ASIC2: variants seen among roughly 807,000 people sequenced by gnomAD.
ASIC2 encodes the protein acid sensing ion channel subunit 2.
ASIC2 carries 25 observed loss-of-function variants against 57.3 expected under a neutral mutation model. The observed-to-expected ratio is 0.44, with a 90% confidence interval of 0.32 to 0.61. The LOEUF is 0.61. Among genes scored for constraint, ASIC2 ranks in the 20% least tolerant of loss-of-function variants. The pLI is 0.06. For missense variants in ASIC2, 641 were observed against 738.1 expected, an observed-to-expected ratio of 0.87 and a Z score of 1.52; for synonymous variants, 319 against 307.5, an observed-to-expected ratio of 1.04 and a Z score of -0.39.
chr17:33,849,533 C>T (rs959244226), intron 1 of ASIC2, among the ~76,000 whole-genome samples: 30 of 152,200 alleles, frequency 2.0e-4, no homozygotes, highest in African/African-American at 6.8e-4. Context: ...TGCTATTTCC[C>T]TCCCAGAGTC....
At chr17:33,510,899 A>G (rs1188968691) in intron 1 of ASIC2, among the ~76,000 whole-genome samples, 1 of 152,192 alleles carries the variant, frequency 6.6e-6, no homozygotes, top group Non-Finnish European at 1.5e-5. Context: ...TCTGAGACAG[A>G]GACCCAGCTC....
chr17:33,718,337 G>A (rs1412568647), intron 1 of ASIC2, among the ~76,000 whole-genome samples: 2 of 152,160 alleles, frequency 1.3e-5, no homozygotes, highest in Non-Finnish European at 2.9e-5. Flanking sequence ...TGGATACAGA[G>A]GCTGACTGGA....
chr17:33,108,534 C>G (rs946344047), intron 2 of ASIC2, among the ~76,000 whole-genome samples: 10 of 152,192 alleles, frequency 6.6e-5, no homozygotes, highest in Non-Finnish European at 1.3e-4. Context: ...CCTCAGGTGG[C>G]TTTACAGACA....
rs187187076 is a variant in ASIC2 at position 33,135,534 on chromosome 17, G to A, written c.709-23467C>T. Among the ~76,000 whole-genome samples the A allele has an allele frequency of 2.7e-3, 404 of 152,356 alleles. 1 individual carries two copies. Among genetic ancestry groups the A allele is most frequent in the African/African-American group, 9.3e-3 (387 of 41,582 alleles). ...GTATCCCACTGCCCTGTGAGGGCAT[G>A]TAGCGAACTCTCAATCAATGTTACT... On this transcript the variant is annotated intron_variant, in intron 1 of 9. Transcript: ENST00000225823.
intron 1 of ASIC2, among the ~76,000 whole-genome samples, chr17:33,896,148 A>G (rs902041392): frequency 3.3e-5 from 5 of 152,212 alleles, no homozygotes; most frequent in Admixed American, 2.0e-4. Flanking sequence ...ATTTATTTAT[A>G]TTTCTTTTCT....
At chr17:33,721,413 G>A (rs949948198) in intron 1 of ASIC2, among the ~76,000 whole-genome samples, 1 of 152,156 alleles carries the variant, frequency 6.6e-6, no homozygotes, top group Non-Finnish European at 1.5e-5. Flanking sequence ...ACTTCTGAGT[G>A]AGATAATTCA....
At chr17:33,731,501 C>A (rs1047293090) in intron 1 of ASIC2, among the ~76,000 whole-genome samples, 1 of 152,192 alleles carries the variant, frequency 6.6e-6, no homozygotes, top group African/African-American at 2.4e-5. Context: ...AAAGAAATCT[C>A]CCTGCTGCCT....
intron 1 of ASIC2, among the ~76,000 whole-genome samples, chr17:33,498,286 C>A (rs571313842): frequency 6.6e-6 from 1 of 152,322 alleles, no homozygotes; most frequent in African/African-American, 2.4e-5. Flanking sequence ...GATTCCGAGG[C>A]AACTCAAGCA....
At chr17:34,138,438 G>A (rs1448856906) in intron 1 of ASIC2, among the ~76,000 whole-genome samples, 3 of 145,198 alleles carry the variant, frequency 2.1e-5, no homozygotes, top group Non-Finnish European at 4.6e-5. Context: ...TGAATTCCCT[G>A]GAGATCCACA....
At chr17:33,411,165 C>T (rs1910646047) in intron 1 of ASIC2, among the ~76,000 whole-genome samples, 1 of 152,196 alleles carries the variant, frequency 6.6e-6, no homozygotes, top group South Asian at 2.1e-4. Flanking sequence ...ACATAGGCTG[C>T]TACTCCAGGC....
At chr17:33,150,845 G>A (rs1172760924) in intron 1 of ASIC2, among the ~76,000 whole-genome samples, 3 of 13,964 alleles carry the variant, frequency 2.1e-4, no homozygotes, top group Middle Eastern at 0.12. Flanking sequence ...GCGAGACTCC[G>A]TCTCAAAAAA....
chr17:34,056,907 G>A (rs1908784706), intron 1 of ASIC2, among the ~76,000 whole-genome samples: 2 of 152,164 alleles, frequency 1.3e-5, no homozygotes, highest in East Asian at 3.9e-4. Context: ...CAGTTCAAAG[G>A]ATTTCAAACT....
Position 33,911,152 on chromosome 17 carries a change from G to C in ASIC2, c.555+244826C>G, listed in dbSNP as rs73274508. ...AAAAGCCCTTTGAAGATCCCTTTGA[G>C]GGAGACTGAAAGAATGATGTTTTTT... On this transcript the variant is annotated intron_variant, in intron 1 of 9. Transcript: ENST00000359872. 5.2e-3 allele frequency among the ~76,000 whole-genome samples: 790 copies of C among 152,340 alleles called. 14 individuals are homozygous for C. The highest frequency in any genetic ancestry group is 0.018 in the African/African-American group (748 of 41,588).
chr17:34,040,070 G>C (rs1032549208), intron 1 of ASIC2, among the ~76,000 whole-genome samples: 5 of 144,000 alleles, frequency 3.5e-5, no homozygotes, highest in South Asian at 4.4e-4. Flanking sequence ...GGGAGGGGGG[G>C]CACGAAGGCC....
At chr17:33,148,055 A>G (rs1904636016) in intron 1 of ASIC2, among the ~76,000 whole-genome samples, 1 of 152,234 alleles carries the variant, frequency 6.6e-6, no homozygotes, top group Non-Finnish European at 1.5e-5. Flanking sequence ...CAGGCTTTTC[A>G]TTTAAGACAA....
intron 1 of ASIC2, among the ~76,000 whole-genome samples, chr17:34,148,583 C>T (rs1254410989): frequency 1.3e-5 from 2 of 152,178 alleles, no homozygotes; most frequent in Non-Finnish European, 2.9e-5. Context: ...TCAGGATCTA[C>T]ATCTGTGTGC....
intron 1 of ASIC2, among the ~76,000 whole-genome samples, chr17:33,843,606 G>C (rs534439383): frequency 5.9e-5 from 9 of 152,244 alleles, no homozygotes; most frequent in African/African-American, 2.2e-4. Context: ...CAGAGCACTG[G>C]GAAAACCCTG....
intron 1 of ASIC2, among the ~76,000 whole-genome samples, chr17:33,751,169 C>T (rs553058416): frequency 5.9e-5 from 9 of 152,266 alleles, no homozygotes; most frequent in African/African-American, 2.2e-4. Flanking sequence ...TACAACTGGG[C>T]TGCAGTCGGG....
rs115469536 is a variant in ASIC2 at position 33,588,643 on chromosome 17, G to A, written c.556-476576C>T. Among the ~76,000 whole-genome samples the A allele has an allele frequency of 3.1e-3, 474 of 152,314 alleles. 1 individual carries two copies. Among genetic ancestry groups the A allele is most frequent in the African/African-American group, 0.011 (447 of 41,554 alleles). ...AAGAGTAAACAAGTAATATAACACC[G>A]TGAGACAAGTGTGAGGAAAGAGGAG... is the stretch of plus-strand genomic sequence containing the variant. On this transcript the variant is annotated intron_variant, in intron 1 of 9. Transcript: ENST00000359872.
Sources: gnomAD v4.1 joint callset for allele counts (sites outside exome capture counted in the v4.1 genomes callset) on GRCh38, gnomAD v4.1.1 for gene constraint, MANE v1.5 for transcripts, NCBI Gene and HGNC (gene_info 2026-07-23, HGNC 2026-07-21) for gene names.